RABGGTB: variants seen among roughly 807,000 people sequenced by gnomAD.
The protein encoded by RABGGTB is Rab geranylgeranyltransferase subunit beta.
Under a neutral mutation model 44.5 loss-of-function variants are expected in RABGGTB, and 20 were observed. The observed-to-expected ratio is 0.45, with a 90% CI of 0.32 to 0.65. The LOEUF (loss-of-function observed/expected upper bound fraction) is 0.65, where lower values mean the gene tolerates loss of function less well. Among genes scored for constraint, RABGGTB ranks in the 30% least tolerant of loss-of-function variants. RABGGTB has a pLI of 0.05. For synonymous variants in RABGGTB, 128 were observed against 136.7 expected, an observed-to-expected ratio of 0.94 and a Z score of 0.44; for missense variants, 302 against 398.7, an observed-to-expected ratio of 0.76 and a Z score of 2.06.
intron 7 of RABGGTB, chr1:75,793,792 T>C: frequency 7.3e-6 from 2 of 273,894 alleles, no homozygotes; most frequent in East Asian, 7.3e-5. Flanking sequence ...TAGGCATTCA[T>C]TGCAGATAGA....
In RABGGTB at chr1:75,789,369, C is replaced by A. The variant is rs567746161; in HGVS notation, c.309+13C>A. 6 of 1,603,602 alleles carry A rather than the reference C, an allele frequency of 3.7e-6. No homozygotes were observed. Among genetic ancestry groups the A allele is most frequent in the East Asian group, 2.2e-5 (1 of 44,694 alleles). ...TAGTGCTGTCCAGGTAAATACTAAT[C>A]AAAATTGCAACGATCTTGATAGTAT... On this transcript the variant is annotated intron_variant, in intron 3 of 8. Transcript: ENST00000319942.
intron 2 of RABGGTB, chr1:75,788,596 T>A (rs555802239): frequency 6.5e-6 from 1 of 154,426 alleles, no homozygotes; most frequent in Admixed American, 6.3e-5. Flanking sequence ...GCCACAAAAC[T>A]TCTTAAAATA....
In RABGGTB at chr1:75,794,647, C is replaced by CT; in HGVS notation, c.994dup (p.Ter332LeufsTer6). On this transcript the variant is annotated frameshift_variant, in exon 9 of 9. Transcript: ENST00000319942. LOFTEE classifies it high-confidence loss of function. ...TGAATGTTCAGCCTGAGCTAGTGAG[C>CT]TAGATTCATTGAATTGAAAGTTGCA... 3.8e-6 allele frequency: 6 copies of CT among 1,591,942 alleles called. No homozygotes were observed. Among genetic ancestry groups the CT allele is most frequent in the Non-Finnish European group, 4.3e-6 (5 of 1,168,502 alleles).
At chr1:75,794,270 T>G in intron 8 of RABGGTB, 37 bp downstream of exon 8, 1 of 1,568,526 alleles carries the variant, frequency 6.4e-7, no homozygotes, top group East Asian at 2.3e-5. Context: ...ATAAATTATT[T>G]CAGCGTTTGC....
chr1:75,786,215 G>C, upstream of RABGGTB: 1 of 1,610,752 alleles, frequency 6.2e-7, no homozygotes. Flanking sequence ...CTGCGCAGGC[G>C]CCCGGCTCCT....
chr1:75,789,204 G>A lies in RABGGTB; in HGVS notation c.157G>A (p.Gly53Ser), dbSNP rs773276807. Residue 53 changes from glycine (G) to serine (S), a missense_variant, in exon 3 of 9, where the codon GGT becomes AGT. Physicochemically the swap from Gly to Ser is moderately conservative, Grantham distance 56 (BLOSUM62 0). Coordinates refer to ENST00000319942, the MANE Select transcript of RABGGTB (RefSeq NM_004582.4). ...TTTGAGAATGAGTGGCATCTATTGG[G>A]GTCTGACAGTAATGGATCTCATGGG... ...EYLRMSGIYW[G>S]LTVMDLMGQL... The A allele has an allele frequency of 1.2e-6, 2 of 1,613,824 alleles. No homozygotes were observed. Among genetic ancestry groups the A allele is most frequent in the African/African-American group, 1.3e-5 (1 of 74,886 alleles).
At chr1:75,791,750 T>G (rs771096128) in intron 6 of RABGGTB, 179 bp downstream of exon 6, 2 of 571,548 alleles carry the variant, frequency 3.5e-6, no homozygotes, top group Non-Finnish European at 6.0e-6. Context: ...ACTATATACC[T>G]TTCTCTGTCG....
chr1:75,788,651 A>G (rs1036114505), intron 2 of RABGGTB: 1 of 156,516 alleles, frequency 6.4e-6, no homozygotes. Flanking sequence ...TGGAATCCTA[A>G]TACTAATTTT....
chr1:75,787,471 A>T, intron 1 of RABGGTB, 26 bp from the exon 2 acceptor site: 6 of 1,528,148 alleles, frequency 3.9e-6, no homozygotes, highest in Non-Finnish European at 5.4e-6. Context: ...GTAAACATTG[A>T]TGAGATTACC....
At chr1:75,786,959 G>T (rs1649504648) in intron 1 of RABGGTB, 1 of 399,206 alleles carries the variant, frequency 2.5e-6, no homozygotes, top group Non-Finnish European at 4.9e-6. Context: ...TCTGCCACAT[G>T]TAAACCGTAA....
At chr1:75,787,852 G>A (rs757425334) in intron 2 of RABGGTB, 3 of 692,112 alleles carry the variant, frequency 4.3e-6, no homozygotes, top group Admixed American at 1.9e-5. Context: ...GGTACAAAAC[G>A]GGTTTCTCTT....
chr1:75,791,850 TAAAA>T (rs5775307), intron 6 of RABGGTB: 2 of 285,124 alleles, frequency 7.0e-6, no homozygotes, highest in Non-Finnish European at 6.5e-6. Flanking sequence ...ACCATACAGA[TAAAA>T]AAAAAAACAA....
At chr1:75,790,156 C>A in intron 4 of RABGGTB, 99 bp downstream of exon 4, 1 of 1,547,142 alleles carries the variant, frequency 6.5e-7, no homozygotes, top group East Asian at 2.3e-5. Context: ...TTTCAGGTCC[C>A]ACTAAGCAGC....
intron 7 of RABGGTB, among the ~76,000 whole-genome samples, chr1:75,793,149 A>G (rs967613185): frequency 6.6e-6 from 1 of 151,358 alleles, no homozygotes; most frequent in Non-Finnish European, 1.5e-5. Context: ...TGTAAAAACT[A>G]TTCCTACACT....
At chr1:75,791,975 CAAT>C (rs950840183) in intron 6 of RABGGTB, 10 of 469,734 alleles carry the variant, frequency 2.1e-5, no homozygotes, top group Non-Finnish European at 3.0e-5. Flanking sequence ...GAAATTTTGA[CAAT>C]AATATTTCAG....
intron 6 of RABGGTB, chr1:75,791,960 A>G: frequency 2.2e-6 from 1 of 457,432 alleles, no homozygotes; most frequent in Non-Finnish European, 3.9e-6. Context: ...AATACTAGCC[A>G]TGAAGAAATT....
intron 4 of RABGGTB, chr1:75,790,572 C>T (rs1312192197): frequency 6.4e-6 from 5 of 781,558 alleles, no homozygotes; most frequent in South Asian, 5.8e-5. Context: ...TATTAGTTTT[C>T]TTCTCTTTGG....
intron 2 of RABGGTB, 30 bp downstream of exon 2, chr1:75,787,634 T>G: frequency 6.5e-7 from 1 of 1,544,110 alleles, no homozygotes; most frequent in Non-Finnish European, 8.9e-7. Context: ...GTTGGAAAGT[T>G]TATTTTAAAG....
At chr1:75,787,195 G>A (rs2100482276) in intron 1 of RABGGTB, 2 of 608,096 alleles carry the variant, frequency 3.3e-6, no homozygotes, top group Non-Finnish European at 6.2e-6. Flanking sequence ...AATGATTTAA[G>A]TTCTTTTTTG....
Sources: gnomAD v4.1 joint callset for allele counts (sites outside exome capture counted in the v4.1 genomes callset) on GRCh38, gnomAD v4.1.1 for gene constraint, MANE v1.5 for transcripts, NCBI Gene and HGNC (gene_info 2026-07-23, HGNC 2026-07-21) for gene names.